DPY19L1: variants seen among roughly 807,000 people sequenced by gnomAD.
DPY19L1 encodes protein C-mannosyl-transferase DPY19L1.
A neutral mutation model predicts 96.9 loss-of-function variants in DPY19L1; 35 were observed. That is an observed-to-expected ratio of 0.36 (90% CI 0.28 to 0.48). DPY19L1 has a LOEUF of 0.48. DPY19L1 is among the 20% of genes least tolerant of loss of function. The pLI, the probability that DPY19L1 is intolerant of heterozygous loss-of-function variation, is 0.99. For synonymous variants in DPY19L1, 205 were observed against 252.6 expected (o/e 0.81, Z 1.79); for missense variants, 521 against 777.9 (o/e 0.67, Z 3.93).
chr7:34,966,951 T>C lies in DPY19L1; in HGVS notation c.1035A>G (p.Val345=), dbSNP rs539199891. 3.1e-5 allele frequency: 48 copies of C among 1,539,286 alleles called. No homozygotes were observed. The highest frequency in any genetic ancestry group is 7.3e-5 in the East Asian group (3 of 41,228). Residue 345 remains valine, a synonymous_variant, in exon 10 of 22, where the codon GTA becomes GTG. Transcript: ENST00000638088. ...LLTQIASLFA[V]YVVGYIDICK... is the part of the protein sequence containing the mutation. ...ATATATCAATGTACCCGACAACATA[T>C]ACTGCAAATAATGATGCAATCTGAA...
At chr7:34,997,864 C>G (rs1336744700) in intron 6 of DPY19L1, among the ~76,000 whole-genome samples, 3 of 152,108 alleles carry the variant, frequency 2.0e-5, no homozygotes, top group Non-Finnish European at 4.4e-5. Context: ...AAACACTATT[C>G]CATTCTGCTA....
rs1276443713 is a variant in DPY19L1, at chr7:34,950,675, A to T, written c.1321-777T>A. Reference sequence around the variant, plus strand: ...GTAAGAGTAGGAACTAGATGGTGGCAGGTATGTGATGAAGCATTTCAAAAT... The same window carrying T: ...GTAAGAGTAGGAACTAGATGGTGGCTGGTATGTGATGAAGCATTTCAAAAT... On this transcript the variant is annotated intron_variant, in intron 13 of 21. Coordinates refer to ENST00000638088, the MANE Select transcript of DPY19L1 (RefSeq NM_001366673.1). Among the ~76,000 whole-genome samples, 9 of 152,190 alleles carry T rather than the reference A, an allele frequency of 5.9e-5. No homozygotes were observed. In the South Asian group the frequency reaches 1.9e-3, roughly 31 times the overall value.
chr7:35,015,814 A>G (rs1046436483), intron 3 of DPY19L1, among the ~76,000 whole-genome samples: 2 of 152,234 alleles, frequency 1.3e-5, no homozygotes, highest in African/African-American at 4.8e-5. Context: ...GCCCAAAGCC[A>G]AGAACCCACA....
chr7:35,023,640 G>T (rs557773190), intron 1 of DPY19L1, among the ~76,000 whole-genome samples: 47 of 152,118 alleles, frequency 3.1e-4, no homozygotes, highest in African/African-American at 1.0e-3. Flanking sequence ...GAAAGAATGG[G>T]CTTCTAAGAG....
chr7:34,974,890 T>C (rs1167796714), intron 7 of DPY19L1, among the ~76,000 whole-genome samples: 1 of 152,182 alleles, frequency 6.6e-6, no homozygotes, highest in Non-Finnish European at 1.5e-5. Flanking sequence ...TATTACTATA[T>C]CTGCTACGGT....
chr7:34,978,127 ATTGAT>A (rs1356122314), intron 7 of DPY19L1, among the ~76,000 whole-genome samples: 1 of 152,148 alleles, frequency 6.6e-6, no homozygotes. Flanking sequence ...GTATGATCTA[ATTGAT>A]TTATCTTCAT....
chr7:34,999,204 C>G (rs1785367433), intron 6 of DPY19L1, among the ~76,000 whole-genome samples: 1 of 152,062 alleles, frequency 6.6e-6, no homozygotes, highest in Admixed American at 6.6e-5. Context: ...AAGATGAACC[C>G]AAAAGGTGCC....
intron 16 of DPY19L1, among the ~76,000 whole-genome samples, chr7:34,945,256 A>G (rs1248111691): frequency 1.3e-4 from 20 of 152,038 alleles, no homozygotes; most frequent in Non-Finnish European, 2.5e-4. Context: ...TTTCCTATAC[A>G]TAATTCTCTG....
chr7:34,991,788 T>C (rs552584981), intron 6 of DPY19L1, among the ~76,000 whole-genome samples: 1 of 152,252 alleles, frequency 6.6e-6, no homozygotes, highest in Non-Finnish European at 1.5e-5. Flanking sequence ...TTCTATGTGA[T>C]CAATATAACA....
At chr7:34,973,456 A>T in intron 8 of DPY19L1, 58 bp downstream of exon 8, 1 of 1,106,956 alleles carries the variant, frequency 9.0e-7, no homozygotes, top group Non-Finnish European at 1.2e-6. Flanking sequence ...ATGGAAGCTT[A>T]AGAAATTTTA....
chr7:34,995,906 A>G (rs1308182495), intron 6 of DPY19L1, among the ~76,000 whole-genome samples: 3 of 35,250 alleles, frequency 8.5e-5, no homozygotes, highest in Admixed American at 4.2e-4. Context: ...CCCTATACTC[A>G]TGGCGGCGGT....
intron 7 of DPY19L1, 114 bp from the exon 8 acceptor site, chr7:34,973,719 T>C (rs879328529): frequency 7.8e-6 from 4 of 515,382 alleles, no homozygotes; most frequent in Non-Finnish European, 1.2e-5. Context: ...AACGGTGTGT[T>C]GTAAAACAAA....
intron 9 of DPY19L1, 40 bp from the exon 10 acceptor site, chr7:34,967,011 T>C (rs1784625417): frequency 2.1e-6 from 3 of 1,403,796 alleles, no homozygotes; most frequent in Admixed American, 2.5e-5. Context: ...AAAGATAAAA[T>C]GAATAGCTAC....
At chr7:34,999,844 C>A (rs927554869) in intron 6 of DPY19L1, among the ~76,000 whole-genome samples, 1 of 151,948 alleles carries the variant, frequency 6.6e-6, no homozygotes, top group African/African-American at 2.4e-5. Flanking sequence ...TTATTTATAC[C>A]ACTTAATTCA....
intron 10 of DPY19L1, among the ~76,000 whole-genome samples, chr7:34,965,209 C>G (rs1784584665): frequency 6.6e-6 from 1 of 152,012 alleles, no homozygotes; most frequent in East Asian, 1.9e-4. Context: ...TTATTTATAA[C>G]TAAAATAAGA....
intron 6 of DPY19L1, among the ~76,000 whole-genome samples, chr7:35,001,431 A>T (rs1273341194): frequency 6.6e-6 from 1 of 152,202 alleles, no homozygotes; most frequent in Admixed American, 6.5e-5. Flanking sequence ...GTCACTTGCA[A>T]ACACTACCTT....
At chr7:34,935,199 G>A (rs1783843019) in intron 21 of DPY19L1, among the ~76,000 whole-genome samples, 1 of 152,108 alleles carries the variant, frequency 6.6e-6, no homozygotes, top group Non-Finnish European at 1.5e-5. Context: ...AGTAGAGAAC[G>A]ACCCACAGTT....
chr7:34,998,624 G>A (rs1340423831), intron 6 of DPY19L1, among the ~76,000 whole-genome samples: 2 of 152,142 alleles, frequency 1.3e-5, no homozygotes, highest in Non-Finnish European at 2.9e-5. Flanking sequence ...AGCTGAGGCT[G>A]GTAAACGAAA....
chr7:34,938,070 C>T lies in DPY19L1; in HGVS notation c.2014G>A (p.Glu672Lys). The T allele has an allele frequency of 1.2e-6, 2 of 1,613,988 alleles. No homozygotes were observed. The highest frequency in any genetic ancestry group is 1.7e-6 in the Non-Finnish European group (2 of 1,179,990). ...YSMYSRKAAE[E>K]VKRELIKLKV... ...AACTTTATCAGTTCTCGCTTCACTT[C>T]TTCGGCTGCTTTCCGACTATACATT... The change falls in exon 21 of 22, where the codon GAA (glutamate) becomes AAA (lysine). Residue 672 changes from glutamate to lysine, a missense_variant. Glu to Lys is a moderately conservative substitution (Grantham distance 56). Coordinates refer to ENST00000638088, the MANE Select transcript of DPY19L1 (RefSeq NM_001366673.1).
Sources: gnomAD v4.1 joint callset for allele counts (sites outside exome capture counted in the v4.1 genomes callset) on GRCh38, gnomAD v4.1.1 for gene constraint, MANE v1.5 for transcripts, NCBI Gene and HGNC (gene_info 2026-07-23, HGNC 2026-07-21) for gene names.